The following MCTP1 variants were observed in gnomAD, a reference collection of about 807,000 sequenced individuals.
MCTP1 encodes the protein multiple C2 and transmembrane domain-containing protein 1.
A neutral mutation model predicts 120.6 loss-of-function variants in MCTP1; 69 were observed. The observed-to-expected ratio is 0.57, with a 90% CI of 0.47 to 0.70. The LOEUF (loss-of-function observed/expected upper bound fraction) is 0.70, where lower values mean the gene tolerates loss of function less well. MCTP1 is among the 30% of genes least tolerant of loss of function. The pLI, the probability that MCTP1 is intolerant of heterozygous loss-of-function variation, is 0.00. For missense variants in MCTP1, 1,203 were observed against 1,248.8 expected, an observed-to-expected ratio of 0.96 and a Z score of 0.55; for synonymous variants, 529 against 493.1, an observed-to-expected ratio of 1.07 and a Z score of -0.96.
chr5:95,000,042 T>G (rs1465717531), intron 2 of MCTP1, among the ~76,000 whole-genome samples: 1 of 152,152 alleles, frequency 6.6e-6, no homozygotes, highest in Non-Finnish European at 1.5e-5. Flanking sequence ...ATGCACCACA[T>G]AATGACATTT....
intron 4 of MCTP1, 102 bp downstream of exon 4, chr5:94,942,246 A>G: frequency 2.5e-6 from 2 of 790,920 alleles, no homozygotes; most frequent in Non-Finnish European, 2.1e-6. Flanking sequence ...AAGGCTCACC[A>G]CTATAAATGA....
At chr5:95,135,632 G>A (rs561397648) in intron 1 of MCTP1, among the ~76,000 whole-genome samples, 31 of 152,262 alleles carry the variant, frequency 2.0e-4, no homozygotes, top group African/African-American at 6.5e-4. Context: ...TCTTTCTCCC[G>A]TGTTGGATGC....
chr5:95,091,610 T>G (rs1201401704), intron 1 of MCTP1, among the ~76,000 whole-genome samples: 2 of 152,180 alleles, frequency 1.3e-5, no homozygotes, highest in African/African-American at 4.8e-5. Flanking sequence ...CAACTAGCCC[T>G]GAGACCACAA....
chr5:94,885,719 G>A (rs1437621967), intron 12 of MCTP1, among the ~76,000 whole-genome samples: 1 of 151,616 alleles, frequency 6.6e-6, no homozygotes, highest in Non-Finnish European at 1.5e-5. Context: ...GTCTTGCTTT[G>A]ATGGTGTGGA....
chr5:94,939,213 CG>C (rs1816947757), intron 5 of MCTP1, among the ~76,000 whole-genome samples: 1 of 151,986 alleles, frequency 6.6e-6, no homozygotes, highest in African/African-American at 2.4e-5. Flanking sequence ...TAGGGGAAAA[CG>C]CCAACAATAC....
At chr5:94,826,653 G>A (rs1580890719) in intron 17 of MCTP1, 2 of 750,734 alleles carry the variant, frequency 2.7e-6, no homozygotes, top group Admixed American at 1.8e-5. Context: ...AGGGTTTCTG[G>A]CACAGCAGGA....
At chr5:95,268,412 C>T (rs1026552968) in intron 1 of MCTP1, among the ~76,000 whole-genome samples, 8 of 152,270 alleles carry the variant, frequency 5.3e-5, no homozygotes, top group African/African-American at 1.9e-4. Context: ...CATTCCAAGA[C>T]ATCTGGAAAA....
rs147320603 is a variant in MCTP1, at chr5:94,898,715, A to G, written c.1653-3880T>C. ...AAATGCAAAATTTAAAAAGCATCAA[A>G]ACAAATTTATGAATTCCAAAAATAT... On this transcript the variant is annotated intron_variant, in intron 10 of 22. Transcript: ENST00000515393. Among the ~76,000 whole-genome samples the G allele has an allele frequency of 4.2e-3, 635 of 152,340 alleles. 17 individuals carry two copies. The highest frequency in any genetic ancestry group is 1.2e-3 in the Non-Finnish European group (81 of 68,024).
At chr5:95,074,688 G>A (rs1251672198) in intron 1 of MCTP1, among the ~76,000 whole-genome samples, 1 of 152,140 alleles carries the variant, frequency 6.6e-6, no homozygotes, top group Non-Finnish European at 1.5e-5. Context: ...CAGACTTTCA[G>A]GTATGCGGAA....
intron 1 of MCTP1, among the ~76,000 whole-genome samples, chr5:95,242,669 C>T (rs1462639230): frequency 6.6e-6 from 1 of 152,050 alleles, no homozygotes; most frequent in Non-Finnish European, 1.5e-5. Context: ...TTTCATCTCA[C>T]TTATATAAAA....
chr5:95,205,534 C>T (rs977048261), intron 1 of MCTP1, among the ~76,000 whole-genome samples: 1 of 152,050 alleles, frequency 6.6e-6, no homozygotes, highest in Non-Finnish European at 1.5e-5. Context: ...AGGATACCAA[C>T]AAGAAAGTGA....
At chr5:95,207,927 G>T (rs1751810757) in intron 1 of MCTP1, among the ~76,000 whole-genome samples, 1 of 106,432 alleles carries the variant, frequency 9.4e-6, no homozygotes, top group South Asian at 3.1e-4. Context: ...GAATGAGCGG[G>T]CGAGAGAGAG....
intron 1 of MCTP1, among the ~76,000 whole-genome samples, chr5:95,195,291 G>A (rs1021884813): frequency 6.6e-6 from 1 of 152,148 alleles, no homozygotes; most frequent in African/African-American, 2.4e-5. Flanking sequence ...ATTTTGATAC[G>A]CCATATCTGC....
At chr5:94,834,682 T>C (rs574208771) in intron 17 of MCTP1, among the ~76,000 whole-genome samples, 2 of 152,258 alleles carry the variant, frequency 1.3e-5, no homozygotes, top group East Asian at 3.9e-4. Flanking sequence ...GTCAGAGATC[T>C]CAGGGTGCAT....
chr5:94,707,649 G>C, intron 22 of MCTP1, 82 bp from the exon 23 acceptor site: 1 of 959,640 alleles, frequency 1.0e-6, no homozygotes, highest in South Asian at 1.3e-5. Context: ...ATGAGAGACG[G>C]TGCTTGGGGG....
chr5:95,107,513 A>G (rs1757163812), intron 1 of MCTP1, among the ~76,000 whole-genome samples: 1 of 152,252 alleles, frequency 6.6e-6, no homozygotes, highest in South Asian at 2.1e-4. Context: ...GAATTAGCAT[A>G]TAACTTTTAT....
At chr5:94,889,138 T>C (rs1801975527) in intron 11 of MCTP1, among the ~76,000 whole-genome samples, 166 bp from the exon 12 acceptor site, 1 of 152,192 alleles carries the variant, frequency 6.6e-6, no homozygotes, top group Admixed American at 6.5e-5. Flanking sequence ...TTGGTGAGTT[T>C]TGGAAATTGC....
At chr5:95,003,792 C>T (rs1009041938) in intron 2 of MCTP1, among the ~76,000 whole-genome samples, 2 of 152,146 alleles carry the variant, frequency 1.3e-5, no homozygotes, top group African/African-American at 4.8e-5. Context: ...TACCCAGTCT[C>T]AGGTATGTCT....
intron 10 of MCTP1, among the ~76,000 whole-genome samples, chr5:94,899,765 C>A (rs918271256): frequency 1.9e-4 from 29 of 152,174 alleles, no homozygotes; most frequent in Non-Finnish European, 5.9e-5. Flanking sequence ...GCTAAGCAAC[C>A]AGCTATATCT....
Sources: allele counts gnomAD v4.1 joint callset (sites outside exome capture counted in the v4.1 genomes callset), GRCh38; gene constraint gnomAD v4.1.1; transcripts MANE v1.5; gene names NCBI Gene and HGNC (gene_info 2026-07-23, HGNC 2026-07-21).